Variants in CHST11 observed in about 807,000 individuals in gnomAD.
The protein encoded by CHST11 is C4S-1.
In CHST11, 9 loss-of-function variants were observed where a neutral mutation model predicts 30.4. The observed-to-expected ratio is 0.30, with a 90% CI of 0.18 to 0.52. The LOEUF (loss-of-function observed/expected upper bound fraction) is 0.52, where lower values mean the gene tolerates loss of function less well. Ranked by LOEUF, CHST11 falls within the 20% of genes least tolerant of loss-of-function variation. CHST11 has a pLI of 0.97. For synonymous variants in CHST11, 152 were observed against 187.8 expected (o/e 0.81, Z 1.56); for missense variants, 348 against 460.6 (o/e 0.76, Z 2.24).
At chr12:104,598,939 C>G (rs1026740759) in intron 1 of CHST11, among the ~76,000 whole-genome samples, 2 of 151,114 alleles carry the variant, frequency 1.3e-5, no homozygotes, top group African/African-American at 4.9e-5. Context: ...CTGTCAGTCT[C>G]GAGGCTCAGC....
At chr12:104,464,008 G>T (rs1335288244) in intron 1 of CHST11, among the ~76,000 whole-genome samples, 1 of 152,078 alleles carries the variant, frequency 6.6e-6, no homozygotes, top group South Asian at 2.1e-4. Flanking sequence ...GGGGCAGGGA[G>T]GCAAGGAATA....
intron 2 of CHST11, among the ~76,000 whole-genome samples, chr12:104,649,018 G>T (rs115210048): frequency 1.8e-4 from 28 of 152,218 alleles, no homozygotes; most frequent in African/African-American, 6.0e-4. Flanking sequence ...CTGTCCTCTT[G>T]CTGGTTCCTC....
intron 1 of CHST11, among the ~76,000 whole-genome samples, chr12:104,507,959 G>T (rs1264656116): frequency 1.3e-5 from 2 of 152,200 alleles, no homozygotes; most frequent in Non-Finnish European, 1.5e-5. Flanking sequence ...GTGCCAAGGT[G>T]TATGGAATTG....
chr12:104,680,688 C>T (rs2039786891), intron 2 of CHST11, among the ~76,000 whole-genome samples: 1 of 152,208 alleles, frequency 6.6e-6, no homozygotes, highest in South Asian at 2.1e-4. Context: ...CTCTCAATCC[C>T]TCCTCCTCTG....
At chr12:104,500,517 C>T (rs2037843006) in intron 1 of CHST11, among the ~76,000 whole-genome samples, 1 of 151,158 alleles carries the variant, frequency 6.6e-6, no homozygotes, top group Admixed American at 6.6e-5. Flanking sequence ...CAACACGAGA[C>T]TTATTCGTTT....
chr12:104,651,154 C>G (rs1316432623), intron 2 of CHST11, among the ~76,000 whole-genome samples: 1 of 152,224 alleles, frequency 6.6e-6, no homozygotes, highest in Non-Finnish European at 1.5e-5. Context: ...TCCAGCACAT[C>G]ACCATCAGAT....
At chr12:104,741,223 C>T (rs2040344216) in intron 2 of CHST11, among the ~76,000 whole-genome samples, 1 of 152,168 alleles carries the variant, frequency 6.6e-6, no homozygotes, top group South Asian at 2.1e-4. Flanking sequence ...GTGGAAATGG[C>T]TCCGTTGGGG....
chr12:104,465,054 A>G (rs2037444997), intron 1 of CHST11, among the ~76,000 whole-genome samples: 2 of 152,180 alleles, frequency 1.3e-5, no homozygotes, highest in African/African-American at 2.4e-5. Context: ...TTAGTGTTCC[A>G]TCAAATAGCA....
intron 2 of CHST11, among the ~76,000 whole-genome samples, chr12:104,627,242 T>A (rs1053840125): frequency 6.6e-6 from 1 of 152,180 alleles, no homozygotes; most frequent in Non-Finnish European, 1.5e-5. Flanking sequence ...AGTCACCTAC[T>A]GCAGGACATC....
At chr12:104,475,688 A>ATATATATATACATATATATATATT (rs1555226434) in intron 1 of CHST11, among the ~76,000 whole-genome samples, 1 of 78,470 alleles carries the variant, frequency 1.3e-5, no homozygotes, top group Non-Finnish European at 2.9e-5. Flanking sequence ...ATATATATAT[A>ATATATATATACATATATATATATT]TATTTCTGAT....
At chr12:104,699,030 C>T (rs529585991) in intron 2 of CHST11, among the ~76,000 whole-genome samples, 4 of 152,192 alleles carry the variant, frequency 2.6e-5, no homozygotes, top group Non-Finnish European at 1.5e-5. Flanking sequence ...ATAAATGACT[C>T]GGCTGCATTT....
intron 2 of CHST11, among the ~76,000 whole-genome samples, chr12:104,662,914 T>C (rs1322264652): frequency 6.6e-6 from 1 of 152,212 alleles, no homozygotes; most frequent in Admixed American, 6.5e-5. Flanking sequence ...AATGATTTAG[T>C]TGAAATAGCA....
At chr12:104,708,108 C>T (rs918099800) in intron 2 of CHST11, among the ~76,000 whole-genome samples, 3 of 152,236 alleles carry the variant, frequency 2.0e-5, no homozygotes, top group Non-Finnish European at 2.9e-5. Flanking sequence ...GGGCCATGTT[C>T]AGATGTGCAC....
chr12:104,679,561 T>C (rs1247718837), intron 2 of CHST11, among the ~76,000 whole-genome samples: 1 of 152,122 alleles, frequency 6.6e-6, no homozygotes, highest in Non-Finnish European at 1.5e-5. Flanking sequence ...TGCGAAGTCA[T>C]TTGCTGATGA....
At chr12:104,655,059 C>G (rs1156383207) in intron 2 of CHST11, among the ~76,000 whole-genome samples, 1 of 152,234 alleles carries the variant, frequency 6.6e-6, no homozygotes, top group Non-Finnish European at 1.5e-5. Flanking sequence ...GTCTGTGTCT[C>G]TCTTATCTCT....
intron 2 of CHST11, among the ~76,000 whole-genome samples, chr12:104,669,453 G>A (rs2039670670): frequency 6.6e-6 from 1 of 152,166 alleles, no homozygotes; most frequent in Admixed American, 6.5e-5. Flanking sequence ...GATGCTTCTA[G>A]GTCTTTCCAC....
chr12:104,736,155 A>G lies in CHST11; in HGVS notation c.205-20794A>G, dbSNP rs77170684. On this transcript the variant is annotated intron_variant, in intron 2 of 2. Transcript: ENST00000303694. ...GGGCAATGTCCAACGGGAAGGTGAG[A>G]GCATGCTTCTCGCCTCTGGTATAAA... Among the ~76,000 whole-genome samples, 1,399 of 152,230 alleles carry G rather than the reference A, an allele frequency of 9.2e-3. 23 individuals carry two copies. Among genetic ancestry groups the G allele is most frequent in the African/African-American group, 0.032 (1,334 of 41,514 alleles).
intron 2 of CHST11, among the ~76,000 whole-genome samples, chr12:104,703,584 G>A (rs372438108): frequency 5.3e-5 from 8 of 152,168 alleles, no homozygotes; most frequent in African/African-American, 1.9e-4. Context: ...TTCTACTGCC[G>A]CAGCCAGAGC....
At chr12:104,539,670 A>G (rs1420447519) in intron 1 of CHST11, among the ~76,000 whole-genome samples, 4 of 152,152 alleles carry the variant, frequency 2.6e-5, no homozygotes, top group Non-Finnish European at 4.4e-5. Context: ...ACAATGGCAT[A>G]ATTCATAGTA....
Sources: allele counts gnomAD v4.1 joint callset (sites outside exome capture counted in the v4.1 genomes callset), GRCh38; gene constraint gnomAD v4.1.1; transcripts MANE v1.5; gene names NCBI Gene and HGNC (gene_info 2026-07-23, HGNC 2026-07-21).